BAX: variants seen among roughly 807,000 people sequenced by gnomAD.
The protein encoded by BAX is BCL2 associated X, apoptosis regulator, also known as apoptosis regulator BAX.
In BAX, 21 loss-of-function variants were observed where a neutral mutation model predicts 26.8. The ratio of observed to expected loss-of-function variants is 0.78; its 90% confidence interval spans 0.56 to 1.13. The LOEUF is 1.13. Among genes scored for constraint, BAX ranks in the 50% most tolerant of loss-of-function variants. The pLI is 0.00. For synonymous variants in BAX, 110 were observed against 101.8 expected (o/e 1.08, Z -0.49); for missense variants, 236 against 254.6 (o/e 0.93, Z 0.50).
At chr19:48,956,491 C>G (rs1370095121) in intron 4 of BAX, among the ~76,000 whole-genome samples, 158 bp downstream of exon 4, 5 of 152,074 alleles carry the variant, frequency 3.3e-5, no homozygotes, top group African/African-American at 1.2e-4. Flanking sequence ...TTTATTCATT[C>G]AACAAGCATT....
At chr19:48,961,454 C>G in intron 5 of BAX, 78 bp from the exon 6 acceptor site, 1 of 1,352,680 alleles carries the variant, frequency 7.4e-7, no homozygotes, top group South Asian at 1.3e-5. Flanking sequence ...TGGCCTCCTC[C>G]GTCCCTGATC....
At chr19:48,958,058 C>T (rs1219929239) in intron 4 of BAX, among the ~76,000 whole-genome samples, 2 of 150,370 alleles carry the variant, frequency 1.3e-5, no homozygotes, top group Non-Finnish European at 2.9e-5. Flanking sequence ...TGAAAGATGA[C>T]AAGCCCTGGT....
chr19:48,960,782 T>A, intron 4 of BAX, 28 bp from the exon 5 acceptor site: 1 of 1,571,258 alleles, frequency 6.4e-7, no homozygotes, highest in South Asian at 1.1e-5. Context: ...CAAGGTTCAG[T>A]CCCTAACGCC....
rs3817073 is a variant in BAX, at chr19:48,956,025, C to G, written c.234-173C>G. The stretch of plus-strand genomic sequence containing the variant: ...CTCCTTCAGGGAGTCATTTTTCCCA[C>G]CTTCCTAAATGTCTGTCTTGTCCCC... On this transcript the variant is annotated intron_variant, in intron 3 of 5. Coordinates refer to ENST00000345358, the MANE Select transcript of BAX (RefSeq NM_138761.4). 45 of 1,145,762 alleles carry G rather than the reference C, an allele frequency of 3.9e-5. No individual in the cohort carries two copies. The East Asian group carries it at 1.2e-3, about 30-fold the overall frequency. The allele number at this position is 1,145,762 out of a possible 1,614,324, so 71.0% of individuals were successfully genotyped here.
At chr19:48,955,519 G>C in intron 1 of BAX, 29 bp from the exon 2 acceptor site, 1 of 1,605,130 alleles carries the variant, frequency 6.2e-7, no homozygotes, top group African/African-American at 1.3e-5. Flanking sequence ...CAAGAGTCCA[G>C]GTACCTCTTC....
In BAX at chr19:48,961,552, T is replaced by C. The variant is rs369789011; in HGVS notation, c.495T>C (p.Phe165=). The C allele has an allele frequency of 1.9e-6, 3 of 1,610,454 alleles. No individual in the cohort carries two copies. Among genetic ancestry groups the C allele is most frequent in the Non-Finnish European group, 2.5e-6 (3 of 1,178,412 alleles). The change falls in exon 6 of 6, where the codon TTT becomes TTC. Residue 165 remains phenylalanine, a synonymous_variant. Coordinates refer to ENST00000345358, the MANE Select transcript of BAX (RefSeq NM_138761.4). ...QGGWDGLLSY[F]GTPTWQTVTI... ...TCCAGGACGGCCTCCTCTCCTACTT[T>C]GGGACGCCCACGTGGCAGACCGTGA...
At chr19:48,956,485 T>C in intron 4 of BAX, 152 bp downstream of exon 4, 2 of 885,424 alleles carry the variant, frequency 2.3e-6, no homozygotes, top group Non-Finnish European at 3.2e-6. Flanking sequence ...CCTTCTTTTA[T>C]TCATTCAACA....
rs372636976 is a variant in BAX at position 48,955,871 on chromosome 19, G to T, written c.233+38G>T. 4.2e-5 allele frequency: 65 copies of T among 1,544,766 alleles called. No individual in the cohort carries two copies. The African/African-American group carries it at 8.1e-4, about 19-fold the overall frequency. On this transcript the variant is annotated intron_variant, in intron 3 of 5. Coordinates refer to ENST00000345358, the MANE Select transcript of BAX (RefSeq NM_138761.4). The stretch of plus-strand genomic sequence containing the variant: ...GAGGACCCAGAAGTCCAGCCACTGG[G>T]CTCCTTCAGGACACAGGACTCTCAG...
At chr19:48,961,332 C>G in intron 5 of BAX, 200 bp from the exon 6 acceptor site, 1 of 1,328,256 alleles carries the variant, frequency 7.5e-7, no homozygotes, top group South Asian at 1.5e-5. Context: ...AGCGATCCTC[C>G]CGCCTCAGCC....
chr19:48,959,831 A>AG (rs112329741), intron 4 of BAX, among the ~76,000 whole-genome samples: 2,631 of 150,622 alleles, frequency 0.017, 100 homozygotes, highest in African/African-American at 0.06. Context: ...TATCTCAAAA[A>AG]AAAAAAAAAA....
In BAX at chr19:48,955,836, G is replaced by A. The variant is rs370212746; in HGVS notation, c.233+3G>A. 5.7e-6 allele frequency: 9 copies of A among 1,580,292 alleles called. No individual in the cohort carries two copies. In the African/African-American group the frequency reaches 8.2e-5, roughly 14 times the overall value. On this transcript the variant is annotated splice_donor_region_variant and intron_variant, in intron 3 of 5. Coordinates refer to ENST00000345358, the MANE Select transcript of BAX (RefSeq NM_138761.4). Reference sequence around the variant, plus strand: ...GACAGTAACATGGAGCTGCAGAGGTGTGGGCCCCTGAGGACCCAGAAGTCC... The same window carrying A: ...GACAGTAACATGGAGCTGCAGAGGTATGGGCCCCTGAGGACCCAGAAGTCC...
At position 48,958,627 on chromosome 19, in the gene BAX, T is replaced by C. The variant is rs551737919; in HGVS notation, c.370-2183T>C. Among the ~76,000 whole-genome samples, 6 of 150,678 alleles carry C rather than the reference T, an allele frequency of 4.0e-5. No individual in the cohort carries two copies. In the South Asian group the frequency reaches 6.3e-4, roughly 16 times the overall value. On this transcript the variant is annotated intron_variant, in intron 4 of 5. Coordinates refer to ENST00000345358, the MANE Select transcript of BAX (RefSeq NM_138761.4). Reference sequence around the variant, plus strand: ...GGCGCGATCTCAGCTCACTGCAACCTCCACCTCCTGGGTTTAAGCGATTCT... The same window carrying C: ...GGCGCGATCTCAGCTCACTGCAACCCCCACCTCCTGGGTTTAAGCGATTCT...
At chr19:48,955,111 GTCCT>G in intron 1 of BAX, 149 bp downstream of exon 1, 2 of 945,452 alleles carry the variant, frequency 2.1e-6, no homozygotes, top group Non-Finnish European at 2.8e-6. Context: ...AGTCCCCTCC[GTCCT>G]CGGAGGTTCC....
chr19:48,957,942 T>TG (rs1299260977), intron 4 of BAX, among the ~76,000 whole-genome samples: 1 of 151,990 alleles, frequency 6.6e-6, no homozygotes, highest in African/African-American at 2.4e-5. Context: ...GAAAATGTGG[T>TG]GGGGGTGGTG....
chr19:48,961,462 AT>A, intron 5 of BAX, 69 bp from the exon 6 acceptor site: 1 of 1,393,426 alleles, frequency 7.2e-7, no homozygotes, highest in Non-Finnish European at 9.9e-7. Flanking sequence ...TCCGTCCCTG[AT>A]CCCGCCTCTG....
Position 48,956,303 on chromosome 19 carries a change from T to C in BAX, c.339T>C (p.Leu113=). Residue 113 remains leucine (L), a synonymous_variant, in exon 4 of 6, where the codon CTT becomes CTC. Transcript: ENST00000345358. ...TCAACTGGGGCCGGGTTGTCGCCCT[T>C]TTCTACTTTGCCAGCAAACTGGTGC... ...GNFNWGRVVA[L]FYFASKLVLK... is the part of the protein sequence containing the mutation. The C allele has an allele frequency of 1.3e-6, 2 of 1,581,004 alleles. No individual in the cohort carries two copies. The highest frequency in any genetic ancestry group is 1.7e-6 in the Non-Finnish European group (2 of 1,164,992).
intron 1 of BAX, 42 bp from the exon 2 acceptor site, chr19:48,955,506 A>G (rs754140337): frequency 5.0e-6 from 8 of 1,594,742 alleles, no homozygotes; most frequent in Non-Finnish European, 6.8e-6. Context: ...ATCCCCTAGA[A>G]CCCAAGAGTC....
Position 48,961,638 on chromosome 19 carries a change from G to C in BAX, c.*2G>C. 1 of 1,588,788 alleles carries C rather than the reference G, an allele frequency of 6.3e-7. No homozygotes were observed. Among genetic ancestry groups the C allele is most frequent in the Admixed American group, 1.8e-5 (1 of 56,868 alleles). On this transcript the variant is annotated 3_prime_UTR_variant, in exon 6 of 6. Transcript: ENST00000345358. ...ACCATCTGGAAGAAGATGGGCTGAG[G>C]CCCCCAGCTGCCTTGGACTGTGTTT...
chr19:48,957,085 T>C (rs2038165674), intron 4 of BAX, among the ~76,000 whole-genome samples: 1 of 149,826 alleles, frequency 6.7e-6, no homozygotes, highest in Non-Finnish European at 1.5e-5. Flanking sequence ...AGGCATCTGG[T>C]AGAGGGAACA....
Sources: gnomAD v4.1 joint callset for allele counts (sites outside exome capture counted in the v4.1 genomes callset) on GRCh38, gnomAD v4.1.1 for gene constraint, MANE v1.5 for transcripts, NCBI Gene and HGNC (gene_info 2026-07-23, HGNC 2026-07-21) for gene names.